Variants in ZNF224 observed in about 807,000 individuals in gnomAD.
ZNF224 encodes the protein zinc finger protein 224, also known as bone marrow zinc finger 2.
A neutral mutation model predicts 10.5 loss-of-function variants in ZNF224; 8 were observed. The ratio of observed to expected loss-of-function variants is 0.76; its 90% CI spans 0.45 to 1.37. The LOEUF is 1.37. Among genes scored for constraint, ZNF224 ranks in the 40% most tolerant of loss-of-function variants. The pLI, the probability that ZNF224 is intolerant of heterozygous loss-of-function variation, is 0.00. For synonymous variants in ZNF224, 282 were observed against 287.8 expected (o/e 0.98, Z 0.20); for missense variants, 754 against 854.0 (o/e 0.88, Z 1.46).
At position 44,099,455 on chromosome 19, in the gene ZNF224, A is replaced by G. The variant is rs111771990; in HGVS notation, c.16-1346A>G. Among the ~76,000 whole-genome samples, 1,246 of 152,294 alleles carry G rather than the reference A, an allele frequency of 8.2e-3. 25 individuals carry two copies. Among genetic ancestry groups the G allele is most frequent in the African/African-American group, 0.029 (1,194 of 41,550 alleles). ...CAGGGAAGAAAATCCAAAGAAATAC[A>G]AATAAAGGACATTACCAGGAATGTA... On this transcript the variant is annotated intron_variant, in intron 3 of 5. Coordinates refer to ENST00000693561, the MANE Select transcript of ZNF224 (RefSeq NM_001321645.3).
chr19:44,098,138 C>G (rs983158758), intron 3 of ZNF224, among the ~76,000 whole-genome samples: 2 of 152,194 alleles, frequency 1.3e-5, no homozygotes, highest in Non-Finnish European at 2.9e-5. Context: ...TACTACTTCT[C>G]TGCTCACACA....
In ZNF224 at chr19:44,108,524, C is replaced by G. The variant is rs1286437536; in HGVS notation, c.*240C>G. 2 of 526,370 alleles carry G rather than the reference C, an allele frequency of 3.8e-6. No individual in the cohort carries two copies. The highest frequency in any genetic ancestry group is 6.9e-6 in the Non-Finnish European group (2 of 290,696). 32.6% of individuals were successfully genotyped at this position (526,370 alleles called of 1,614,324 possible). A position where few individuals can be genotyped will look rare whatever the true frequency, so the allele number is the denominator to read the frequency against. ...CAGCATGCCCCAGTAGTCTCAGGAC[C>G]ACCATAATGGAGAATCCTTGTAAAT... On this transcript the variant is annotated 3_prime_UTR_variant, in exon 6 of 6. Coordinates refer to ENST00000693561, the MANE Select transcript of ZNF224 (RefSeq NM_001321645.3).
chr19:44,108,560 A>G lies in ZNF224; in HGVS notation c.*276A>G, dbSNP rs1967755691. On this transcript the variant is annotated 3_prime_UTR_variant, in exon 6 of 6. Coordinates refer to ENST00000693561, the MANE Select transcript of ZNF224 (RefSeq NM_001321645.3). Reference sequence around the variant, plus strand: ...AGAATCCTTGTAAATGGTGCAATAAAGCTTCATTCAGAAGTTTGATAATTA... The same window carrying G: ...AGAATCCTTGTAAATGGTGCAATAAGGCTTCATTCAGAAGTTTGATAATTA... 1 of 460,650 alleles carries G rather than the reference A, an allele frequency of 2.2e-6. No individual in the cohort carries two copies. Among genetic ancestry groups the G allele is most frequent in the Non-Finnish European group, 4.1e-6 (1 of 243,866 alleles). 28.5% of individuals were successfully genotyped at this position (460,650 alleles called of 1,614,324 possible). A position where few individuals can be genotyped will look rare whatever the true frequency, so the allele number is the denominator to read the frequency against.
intron 3 of ZNF224, among the ~76,000 whole-genome samples, chr19:44,098,798 C>T (rs1399851602): frequency 1.3e-5 from 2 of 152,152 alleles, no homozygotes; most frequent in African/African-American, 2.4e-5. Flanking sequence ...AGGCTGGTCT[C>T]GAACTCCCGA....
intron 5 of ZNF224, 119 bp downstream of exon 5, chr19:44,101,344 C>T (rs983869351): frequency 1.0e-6 from 1 of 994,376 alleles, no homozygotes; most frequent in Non-Finnish European, 1.5e-6. Context: ...TTATTGACAA[C>T]CATCTTACAC....
intron 5 of ZNF224, among the ~76,000 whole-genome samples, chr19:44,102,855 A>G (rs749085860): frequency 3.9e-5 from 6 of 152,210 alleles, no homozygotes; most frequent in Non-Finnish European, 5.9e-5. Flanking sequence ...GATAATAACC[A>G]GCTTCCCAGC....
At chr19:44,102,856 G>C (rs576205689) in intron 5 of ZNF224, among the ~76,000 whole-genome samples, 56 of 152,276 alleles carry the variant, frequency 3.7e-4, no homozygotes, top group African/African-American at 1.3e-3. Flanking sequence ...ATAATAACCA[G>C]CTTCCCAGCT....
chr19:44,100,821 C>G lies in ZNF224; in HGVS notation c.36C>G (p.Asp12Glu). ...TATAGGAGGCAATGACCTTCAAGGA[C>G]GTGGCTGTGGTCTTCACTGAGGAAG... ...TTFKEAMTFK[D>E]VAVVFTEEEL... Residue 12 changes from aspartate (D) to glutamate (E), a missense_variant, in exon 4 of 6, where the codon GAC (aspartate) becomes GAG (glutamate). Transcript: ENST00000693561. 2.5e-6 allele frequency: 4 copies of G among 1,613,804 alleles called. No individual in the cohort carries two copies. The highest frequency in any genetic ancestry group is 3.4e-6 in the Non-Finnish European group (4 of 1,179,864).
intron 1 of ZNF224, chr19:44,094,776 A>C (rs1034827605): frequency 2.0e-5 from 3 of 152,004 alleles, no homozygotes; most frequent in Non-Finnish European, 4.4e-5. Context: ...TAAAATGGGG[A>C]CTTTAGGGCC....
rs746463284 is a variant in ZNF224 at position 44,107,790 on chromosome 19, G to C, written c.1630G>C (p.Glu544Gln). The change falls in exon 6 of 6, where the codon GAA (glutamate) becomes CAA (glutamine). Residue 544 changes from glutamate (E) to glutamine (Q), a missense_variant. Physicochemically the swap from Glu to Gln is conservative, Grantham distance 29. Coordinates refer to ENST00000693561, the MANE Select transcript of ZNF224 (RefSeq NM_001321645.3). ...AGGAGAGAGACCATACAATTGTAAG[G>C]AATGTGGGAAGAGTTTTGGCTGGGC... ...HTGERPYNCK[E>Q]CGKSFGWASC... is the part of the protein sequence containing the mutation. 6.2e-7 allele frequency: 1 copy of C among 1,601,668 alleles called. No individual in the cohort carries two copies. The highest frequency in any genetic ancestry group is 8.5e-7 in the Non-Finnish European group (1 of 1,172,538).
rs769642376 is a variant in ZNF224, at chr19:44,104,808, C to CCTG, written c.236-1587_236-1586insTGC. On this transcript the variant is annotated intron_variant, in intron 5 of 5. Coordinates refer to ENST00000693561, the MANE Select transcript of ZNF224 (RefSeq NM_001321645.3). Reference sequence around the variant, plus strand: ...TCCCGAGTAGCTGGGACTACAGGCGCCCGCCACCATGTCTGGCTAATTTTT... The same window carrying CCTG: ...TCCCGAGTAGCTGGGACTACAGGCGCCTGCCGCCACCATGTCTGGCTAATTTTT... Among the ~76,000 whole-genome samples, 1,000 of 152,214 alleles carry CCTG rather than the reference C, an allele frequency of 6.6e-3. 8 individuals carry two copies. The highest frequency in any genetic ancestry group is 7.3e-3 in the Non-Finnish European group (497 of 68,012).
chr19:44,102,243 C>T (rs1171737298), intron 5 of ZNF224, among the ~76,000 whole-genome samples: 2 of 152,198 alleles, frequency 1.3e-5, no homozygotes, highest in African/African-American at 4.8e-5. Context: ...GTTTTAAAGT[C>T]ATGAGAGAAG....
At position 44,097,882 on chromosome 19, in the gene ZNF224, G is replaced by C. The variant is rs141989511; in HGVS notation, c.9G>C (p.Thr3=). ...CAGAAGTAAGAGGGAAAATGACCAC[G>C]TTCAAGGTGGGTAGGACTTGCTTCT... MT[T]FKEAMTFKDV... is the part of the protein sequence containing the mutation. Residue 3 remains threonine (T), a synonymous_variant, in exon 3 of 6, where the codon ACG becomes ACC. Transcript: ENST00000693561. The C allele has an allele frequency of 3.1e-6, 5 of 1,613,876 alleles. No individual in the cohort carries two copies. Among genetic ancestry groups the C allele is most frequent in the African/African-American group, 1.3e-5 (1 of 74,922 alleles).
At position 44,107,186 on chromosome 19, in the gene ZNF224, A is replaced by C. The variant is rs143243662; in HGVS notation, c.1026A>C (p.Lys342Asn). ...ATCGCATGATCCACACAGGAGAGAAACCATACAAATGTGAGGAGTGTGGAA... is the reference window on the plus strand; with the variant it reads ...ATCGCATGATCCACACAGGAGAGAACCCATACAAATGTGAGGAGTGTGGAA... ...NSHRMIHTGE[K>N]PYKCEECGKG... is the part of the protein sequence containing the mutation. Residue 342 changes from lysine (K) to asparagine (N), a missense_variant, in exon 6 of 6, where the codon AAA becomes AAC. By Grantham distance (94) the Lys-to-Asn change is moderately conservative. Coordinates refer to ENST00000693561, the MANE Select transcript of ZNF224 (RefSeq NM_001321645.3). The C allele has an allele frequency of 1.9e-4, 307 of 1,606,330 alleles. No individual in the cohort carries two copies. The highest frequency in any genetic ancestry group is 2.5e-4 in the Non-Finnish European group (292 of 1,176,098).
Position 44,108,437 on chromosome 19 carries a change from C to A in ZNF224, c.*153C>A. The A allele has an allele frequency of 1.2e-6, 1 of 850,778 alleles. No individual in the cohort carries two copies. Among genetic ancestry groups the A allele is most frequent in the Non-Finnish European group, 1.8e-6 (1 of 566,196 alleles). The allele number at this position is 850,778 out of a possible 1,614,324, so 52.7% of individuals were successfully genotyped here. On this transcript the variant is annotated 3_prime_UTR_variant, in exon 6 of 6. Coordinates refer to ENST00000693561, the MANE Select transcript of ZNF224 (RefSeq NM_001321645.3). ...CTGAATCCATGCTGGTGATAAATTT[C>A]ACCCATTCTTGGAAGAGGGAAAACA...
Position 44,096,423 on chromosome 19 carries a change from G to C in ZNF224, c.-77G>C, listed in dbSNP as rs1051467143. On this transcript the variant is annotated 5_prime_UTR_variant, in exon 2 of 6. Coordinates refer to ENST00000693561, the MANE Select transcript of ZNF224 (RefSeq NM_001321645.3). ...CAGCAAGGAAGCCCACGTACCAGGG[G>C]CTGTCTTGGTAAGTAGAATTTAGGA... is the stretch of plus-strand genomic sequence containing the variant. 2 of 152,142 alleles carry C rather than the reference G, an allele frequency of 1.3e-5. No homozygotes were observed. The highest frequency in any genetic ancestry group is 4.8e-5 in the African/African-American group (2 of 41,412). The allele number at this position is 152,142 out of a possible 1,614,324, so 9.4% of individuals were successfully genotyped here.
chr19:44,101,238 C>A lies in ZNF224; in HGVS notation c.235+13C>A, dbSNP rs1172963450. On this transcript the variant is annotated intron_variant, in intron 5 of 5. Transcript: ENST00000693561. ...GAAGGGAATTCAGGTAAGAATCAAG[C>A]AACTGTGAATCCCTGTATGTCTCTT... 10 of 1,610,350 alleles carry A rather than the reference C, an allele frequency of 6.2e-6. No individual in the cohort carries two copies. In the African/African-American group the frequency reaches 6.7e-5, roughly 11 times the overall value.
Position 44,097,826 on chromosome 19 carries a change from G to A in ZNF224, c.-48G>A. 1 of 1,610,504 alleles carries A rather than the reference G, an allele frequency of 6.2e-7. No individual in the cohort carries two copies. The highest frequency in any genetic ancestry group is 8.5e-7 in the Non-Finnish European group (1 of 1,178,294). ...TGCAGGCACAATTCTGCTTTCCCAGGAACTGCATCACTCAGGACTCTGCAA... is the reference window on the plus strand; with the variant it reads ...TGCAGGCACAATTCTGCTTTCCCAGAAACTGCATCACTCAGGACTCTGCAA... On this transcript the variant is annotated 5_prime_UTR_variant, in exon 3 of 6. Coordinates refer to ENST00000693561, the MANE Select transcript of ZNF224 (RefSeq NM_001321645.3).
rs73558298 is a variant in ZNF224 at position 44,102,258 on chromosome 19, C to T, written c.235+1033C>T. Among the ~76,000 whole-genome samples, 760 of 152,316 alleles carry T rather than the reference C, an allele frequency of 5.0e-3. 7 individuals carry two copies. Among genetic ancestry groups the T allele is most frequent in the African/African-American group, 0.018 (737 of 41,576 alleles). ...GTTTTAAAGTCATGAGAGAAGCCAT[C>T]CTAAACCACTCTCTTTATAATTCCA... On this transcript the variant is annotated intron_variant, in intron 5 of 5. Coordinates refer to ENST00000693561, the MANE Select transcript of ZNF224 (RefSeq NM_001321645.3).
Sources: allele counts gnomAD v4.1 joint callset (sites outside exome capture counted in the v4.1 genomes callset), GRCh38; gene constraint gnomAD v4.1.1; transcripts MANE v1.5; gene names NCBI Gene and HGNC (gene_info 2026-07-23, HGNC 2026-07-21).